WDFY2: variants seen among roughly 807,000 people sequenced by gnomAD.
WDFY2 encodes WD repeat and FYVE domain containing 2.
WDFY2 carries 36 observed loss-of-function variants against 56.4 expected under a neutral mutation model. The observed-to-expected ratio is 0.64, with a 90% CI of 0.49 to 0.84. WDFY2 has a LOEUF of 0.84. Ranked by LOEUF, WDFY2 falls within the 40% of genes least tolerant of loss-of-function variation. The probability of loss-of-function intolerance (pLI) is 0.00; values close to 1 mark genes in which losing one functional copy is unlikely to be tolerated. For synonymous variants in WDFY2, 176 were observed against 183.7 expected (o/e 0.96, Z 0.34); for missense variants, 444 against 512.2 (o/e 0.87, Z 1.29).
chr13:51,659,810 A>G (rs1955577444), intron 1 of WDFY2, among the ~76,000 whole-genome samples: 1 of 151,554 alleles, frequency 6.6e-6, no homozygotes, highest in African/African-American at 2.4e-5. Flanking sequence ...GTTTAGAAAA[A>G]CTCCCTTGAG....
chr13:51,754,802 T>C (rs1953327581), intron 8 of WDFY2, among the ~76,000 whole-genome samples: 1 of 152,256 alleles, frequency 6.6e-6, no homozygotes, highest in Non-Finnish European at 1.5e-5. Context: ...TGTGCTATGA[T>C]ACTATTTAAT....
At chr13:51,723,917 C>T (rs979880396) in intron 5 of WDFY2, among the ~76,000 whole-genome samples, 12 of 152,168 alleles carry the variant, frequency 7.9e-5, no homozygotes, top group Non-Finnish European at 1.8e-4. Flanking sequence ...AGGATAACTT[C>T]CCCTGCCTCA....
At chr13:51,703,783 T>A in intron 4 of WDFY2, 133 bp downstream of exon 4, 1 of 735,708 alleles carries the variant, frequency 1.4e-6, no homozygotes, top group Non-Finnish European at 2.1e-6. Context: ...GTGAGTGTTA[T>A]CCCTGTGTTT....
chr13:51,731,200 G>C (rs1272152258), intron 6 of WDFY2, among the ~76,000 whole-genome samples: 1 of 152,154 alleles, frequency 6.6e-6, no homozygotes, highest in Non-Finnish European at 1.5e-5. Flanking sequence ...CTTTCAGCCT[G>C]ACTTCTTGAC....
rs1428085132 is a variant in WDFY2, at chr13:51,732,816, G to A, written c.598+5026G>A. ...GCTCTCTATGTATATGATGGTGCCA[G>A]GAAATGTGGGTGAATAAAACAAGCA... On this transcript the variant is annotated intron_variant, in intron 6 of 11. Transcript: ENST00000298125. Among the ~76,000 whole-genome samples, 3 of 152,212 alleles carry A rather than the reference G, an allele frequency of 2.0e-5. No individual in the cohort carries two copies. In the East Asian group the frequency reaches 5.8e-4, roughly 29 times the overall value.
chr13:51,622,467 A>T (rs1334868251), intron 1 of WDFY2, among the ~76,000 whole-genome samples: 1 of 152,244 alleles, frequency 6.6e-6, no homozygotes, highest in African/African-American at 2.4e-5. Context: ...AGCAACACAC[A>T]TTCACAGCAT....
rs551995368 is a variant in WDFY2 at position 51,608,958 on chromosome 13, A to G, written c.137+24134A>G. Among the ~76,000 whole-genome samples the G allele has an allele frequency of 7.9e-5, 12 of 152,198 alleles. No homozygotes were observed. The South Asian group carries it at 2.5e-3, about 32-fold the overall frequency. On this transcript the variant is annotated intron_variant, in intron 1 of 11. Coordinates refer to ENST00000298125, the MANE Select transcript of WDFY2 (RefSeq NM_052950.4). ...CTTAAATGAACTCTCTTCTACAAAT[A>G]TCATTGGCTGTCATCTACAGATGTA...
At chr13:51,623,377 C>T (rs781066622) in intron 1 of WDFY2, among the ~76,000 whole-genome samples, 24 of 151,916 alleles carry the variant, frequency 1.6e-4, no homozygotes, top group Non-Finnish European at 2.4e-4. Flanking sequence ...GTGGGGAGAA[C>T]GACAGGGATG....
intron 3 of WDFY2, among the ~76,000 whole-genome samples, chr13:51,677,100 T>C (rs1955901699): frequency 6.6e-6 from 1 of 152,202 alleles, no homozygotes; most frequent in South Asian, 2.1e-4. Flanking sequence ...ATTTATTGTA[T>C]ATAAGAGGCG....
intron 6 of WDFY2, among the ~76,000 whole-genome samples, chr13:51,733,009 A>T (rs1952757336): frequency 6.6e-6 from 1 of 152,148 alleles, no homozygotes; most frequent in Non-Finnish European, 1.5e-5. Context: ...CTTGCGGATA[A>T]TTAAAGGGAG....
At chr13:51,637,893 G>A (rs1955082846) in intron 1 of WDFY2, among the ~76,000 whole-genome samples, 1 of 152,176 alleles carries the variant, frequency 6.6e-6, no homozygotes, top group Non-Finnish European at 1.5e-5. Flanking sequence ...TGGGATATTA[G>A]GACACTCCCA....
chr13:51,631,768 G>A (rs9526785), intron 1 of WDFY2, among the ~76,000 whole-genome samples: 57,352 of 151,998 alleles, frequency 0.38, 11,435 homozygotes, highest in African/African-American at 0.52. Flanking sequence ...GGCTCAAGCA[G>A]TCCTCCCATC....
intron 1 of WDFY2, among the ~76,000 whole-genome samples, chr13:51,631,111 G>A (rs1954943850): frequency 6.8e-6 from 1 of 146,308 alleles, no homozygotes; most frequent in African/African-American, 2.5e-5. Context: ...AAGAAAACAA[G>A]CTGGGCATGG....
chr13:51,682,197 A>T (rs572006223), intron 3 of WDFY2, among the ~76,000 whole-genome samples: 2 of 152,322 alleles, frequency 1.3e-5, no homozygotes, highest in East Asian at 1.9e-4. Context: ...TATCTACAGG[A>T]GTTACCTTGG....
At chr13:51,749,117 T>C (rs2138712135) in intron 7 of WDFY2, among the ~76,000 whole-genome samples, 1 of 152,328 alleles carries the variant, frequency 6.6e-6, no homozygotes, top group South Asian at 2.1e-4. Context: ...CAAAATTTTT[T>C]GTTTTGGAAA....
In WDFY2 at chr13:51,594,994, T is replaced by G. The variant is rs575723481; in HGVS notation, c.137+10170T>G. The stretch of plus-strand genomic sequence containing the variant: ...GGTCTGTTGAACTTTTTTTTGTTTT[T>G]GTAGAGTTCTGAGCCCCTTTTTTCT... On this transcript the variant is annotated intron_variant, in intron 1 of 11. Transcript: ENST00000298125. 3.3e-5 allele frequency among the ~76,000 whole-genome samples: 5 copies of G among 152,346 alleles called. No homozygotes were observed. The East Asian group carries it at 9.6e-4, about 29-fold the overall frequency.
intron 1 of WDFY2, among the ~76,000 whole-genome samples, chr13:51,643,983 T>C (rs1047178276): frequency 3.3e-5 from 5 of 152,178 alleles, no homozygotes; most frequent in Non-Finnish European, 5.9e-5. Flanking sequence ...CTAACTAACA[T>C]TGATTAATGT....
intron 4 of WDFY2, among the ~76,000 whole-genome samples, chr13:51,708,593 G>A (rs574649903): frequency 6.2e-5 from 9 of 145,978 alleles, no homozygotes; most frequent in Non-Finnish European, 1.1e-4. Context: ...AAAAAAAAAA[G>A]CAGACTAAGA....
chr13:51,744,295 T>C (rs1953044708), intron 7 of WDFY2, among the ~76,000 whole-genome samples: 1 of 152,206 alleles, frequency 6.6e-6, no homozygotes, highest in Non-Finnish European at 1.5e-5. Context: ...CCCCTTACTC[T>C]TGAGGGATGA....
Sources: allele counts gnomAD v4.1 joint callset (sites outside exome capture counted in the v4.1 genomes callset), GRCh38; gene constraint gnomAD v4.1.1; transcripts MANE v1.5; gene names NCBI Gene and HGNC (gene_info 2026-07-23, HGNC 2026-07-21).